The following ESRRG variants were observed in gnomAD, a reference collection of about 807,000 sequenced individuals.
ESRRG encodes estrogen related receptor gamma, also known as estrogen-related receptor gamma.
Under a neutral mutation model 44.0 loss-of-function variants are expected in ESRRG, and 13 were observed. That is an observed-to-expected ratio of 0.30 (90% CI 0.19 to 0.47). The LOEUF is 0.47. Among genes scored for constraint, ESRRG ranks in the 20% least tolerant of loss-of-function variants. The probability of loss-of-function intolerance (pLI) is 1.00; values close to 1 mark genes in which losing one functional copy is unlikely to be tolerated. For synonymous variants in ESRRG, 215 were observed against 214.6 expected (o/e 1.00, Z -0.02); for missense variants, 395 against 580.6 (o/e 0.68, Z 3.29).
intron 2 of ESRRG, among the ~76,000 whole-genome samples, chr1:216,923,299 A>G (rs2149734907): frequency 6.6e-6 from 1 of 152,340 alleles, no homozygotes; most frequent in Admixed American, 6.5e-5. Context: ...AACAAACAAG[A>G]AACAGAACCC....
At chr1:216,965,760 C>T (rs551069645) in intron 1 of ESRRG, among the ~76,000 whole-genome samples, 1 of 152,122 alleles carries the variant, frequency 6.6e-6, no homozygotes, top group African/African-American at 2.4e-5. Context: ...TTGGAAAGAG[C>T]TGGGAGTAGG....
intron 3 of ESRRG, among the ~76,000 whole-genome samples, chr1:216,597,130 CT>C (rs1190011143): frequency 1.3e-5 from 2 of 152,128 alleles, no homozygotes; most frequent in African/African-American, 4.8e-5. Flanking sequence ...TTGGCTTTAC[CT>C]GTTGGCCTCA....
chr1:216,678,462 T>C (rs1450752980), intron 1 of ESRRG, among the ~76,000 whole-genome samples: 1 of 152,222 alleles, frequency 6.6e-6, no homozygotes, highest in African/African-American at 2.4e-5. Context: ...ATATTTGTGA[T>C]GGTCCTTCCC....
At chr1:216,524,399 C>T (rs1238139967) in intron 5 of ESRRG, among the ~76,000 whole-genome samples, 1 of 151,090 alleles carries the variant, frequency 6.6e-6, no homozygotes, top group Non-Finnish European at 1.5e-5. Flanking sequence ...CTACATGGTG[C>T]TATCAGAAGC....
intron 2 of ESRRG, among the ~76,000 whole-genome samples, chr1:216,850,740 G>A (rs950840919): frequency 2.0e-5 from 3 of 151,816 alleles, no homozygotes; most frequent in East Asian, 1.9e-4. Flanking sequence ...AATAAATACC[G>A]TGCTGTTTTA....
intron 1 of ESRRG, among the ~76,000 whole-genome samples, chr1:217,049,930 T>C (rs1047290655): frequency 6.6e-5 from 10 of 152,214 alleles, no homozygotes; most frequent in African/African-American, 2.2e-4. Flanking sequence ...GGCTTAGCTC[T>C]GAGACACAGA....
chr1:216,576,540 G>A (rs1337970596), intron 3 of ESRRG, among the ~76,000 whole-genome samples: 1 of 152,022 alleles, frequency 6.6e-6, no homozygotes, highest in Non-Finnish European at 1.5e-5. Context: ...TCGGATTCAA[G>A]TTGCATCCAA....
At chr1:216,589,595 A>T (rs1306944208) in intron 3 of ESRRG, among the ~76,000 whole-genome samples, 1 of 152,118 alleles carries the variant, frequency 6.6e-6, no homozygotes, top group African/African-American at 2.4e-5. Context: ...AAAATTGGTG[A>T]CTACTGTACC....
At chr1:216,552,604 A>C (rs917234224) in intron 5 of ESRRG, among the ~76,000 whole-genome samples, 2 of 152,184 alleles carry the variant, frequency 1.3e-5, no homozygotes, top group African/African-American at 4.8e-5. Flanking sequence ...ATATGGGCAT[A>C]CTGAGTTCAT....
intron 1 of ESRRG, among the ~76,000 whole-genome samples, chr1:216,712,085 T>A (rs1051835097): frequency 1.3e-5 from 2 of 152,250 alleles, no homozygotes; most frequent in African/African-American, 4.8e-5. Flanking sequence ...ATCAATTTTT[T>A]AATTAATATC....
chr1:216,944,361 C>T (rs1244506523), intron 1 of ESRRG, among the ~76,000 whole-genome samples: 1 of 151,308 alleles, frequency 6.6e-6, no homozygotes, highest in Non-Finnish European at 1.5e-5. Flanking sequence ...ACGCTGGAAA[C>T]ATGGAAAGTT....
intron 2 of ESRRG, among the ~76,000 whole-genome samples, chr1:216,903,820 G>T (rs571915955): frequency 3.9e-5 from 6 of 152,118 alleles, no homozygotes; most frequent in Non-Finnish European, 8.8e-5. Context: ...ACCAGGTATA[G>T]ATCATTATTT....
intron 3 of ESRRG, among the ~76,000 whole-genome samples, chr1:216,623,800 G>A (rs1222823327): frequency 6.6e-6 from 1 of 151,930 alleles, no homozygotes; most frequent in African/African-American, 2.4e-5. Context: ...GCTGGAATGG[G>A]CATGAAAGGA....
chr1:216,756,185 C>T (rs1261692115), intron 2 of ESRRG, among the ~76,000 whole-genome samples: 1 of 151,882 alleles, frequency 6.6e-6, no homozygotes, highest in Admixed American at 6.6e-5. Flanking sequence ...AAATGGAAAG[C>T]CCTGGCATTC....
intron 5 of ESRRG, among the ~76,000 whole-genome samples, chr1:216,550,818 C>A (rs918151549): frequency 1.3e-5 from 2 of 152,136 alleles, no homozygotes; most frequent in Admixed American, 6.6e-5. Context: ...AAAGAGACTC[C>A]ATTTCTGAAG....
chr1:216,710,726 G>C (rs2083419581), intron 1 of ESRRG, among the ~76,000 whole-genome samples: 1 of 152,136 alleles, frequency 6.6e-6, no homozygotes, highest in African/African-American at 2.4e-5. Context: ...GGTGTCCATG[G>C]TGTGGCCAGG....
At chr1:216,586,013 G>A (rs2063720015) in intron 3 of ESRRG, among the ~76,000 whole-genome samples, 1 of 128,816 alleles carries the variant, frequency 7.8e-6, no homozygotes, top group African/African-American at 2.9e-5. Context: ...GCACTCCAGT[G>A]TGGAAGACAG....
chr1:217,113,127 G>A (rs2092678292), intron 1 of ESRRG, among the ~76,000 whole-genome samples: 1 of 152,184 alleles, frequency 6.6e-6, no homozygotes, highest in Admixed American at 6.5e-5. Flanking sequence ...ACTGTTTCCT[G>A]GCCTTTCTAC....
chr1:216,860,120 C>G (rs1455000802), intron 2 of ESRRG, among the ~76,000 whole-genome samples: 1 of 152,112 alleles, frequency 6.6e-6, no homozygotes, highest in Non-Finnish European at 1.5e-5. Flanking sequence ...AAAAACTTAG[C>G]TGGCAATGGT....
Sources: gnomAD v4.1 joint callset for allele counts (sites outside exome capture counted in the v4.1 genomes callset) on GRCh38, gnomAD v4.1.1 for gene constraint, MANE v1.5 for transcripts, NCBI Gene and HGNC (gene_info 2026-07-23, HGNC 2026-07-21) for gene names.